ATP2B4: variants seen among roughly 807,000 people sequenced by gnomAD.
The protein encoded by ATP2B4 is plasma membrane calcium-transporting ATPase 4.
In ATP2B4, 39 loss-of-function variants were observed where a neutral mutation model predicts 110.3. The observed-to-expected ratio is 0.35, with a 90% CI of 0.27 to 0.46. The LOEUF (loss-of-function observed/expected upper bound fraction) is 0.46. Ranked by LOEUF, ATP2B4 falls within the 20% of genes least tolerant of loss-of-function variation. The pLI is 1.00. For synonymous variants in ATP2B4, 538 were observed against 571.7 expected (o/e 0.94, Z 0.84); for missense variants, 1,135 against 1,530.9 (o/e 0.74, Z 4.32).
chr1:203,691,931 G>C (rs1571728302), intron 2 of ATP2B4, among the ~76,000 whole-genome samples: 1 of 152,130 alleles, frequency 6.6e-6, no homozygotes, highest in East Asian at 1.9e-4. Context: ...GCCCAGGCTG[G>C]AGTGCAGTGG....
chr1:203,660,793 C>T (rs748723965), intron 1 of ATP2B4, among the ~76,000 whole-genome samples: 3 of 148,936 alleles, frequency 2.0e-5, no homozygotes, highest in Non-Finnish European at 3.0e-5. Flanking sequence ...GAGACTCTGT[C>T]TCAAAAAAAT....
intron 1 of ATP2B4, among the ~76,000 whole-genome samples, chr1:203,642,109 T>G (rs1248660341): frequency 6.6e-6 from 1 of 152,130 alleles, no homozygotes; most frequent in African/African-American, 2.4e-5. Context: ...AGAGACAGGA[T>G]CTCACTTTTT....
At chr1:203,739,021 A>G (rs1666940478) in intron 20 of ATP2B4, among the ~76,000 whole-genome samples, 1 of 152,206 alleles carries the variant, frequency 6.6e-6, no homozygotes, top group Non-Finnish European at 1.5e-5. Context: ...CCCAACCTGT[A>G]TTATGTGCAG....
intron 20 of ATP2B4, among the ~76,000 whole-genome samples, chr1:203,734,200 G>A (rs1194134718): frequency 6.6e-6 from 1 of 151,914 alleles, no homozygotes; most frequent in Non-Finnish European, 1.5e-5. Context: ...CTACTCGGGA[G>A]GCTAAGACAG....
rs772037739 is a variant in ATP2B4, at chr1:203,720,752, G to T, written c.2598+12G>T. 6.2e-7 allele frequency: 1 copy of T among 1,606,488 alleles called. No individual in the cohort carries two copies. Among genetic ancestry groups the T allele is most frequent in the Non-Finnish European group, 8.5e-7 (1 of 1,175,576 alleles). On this transcript the variant is annotated intron_variant, in intron 16 of 20. Transcript: ENST00000357681. ...CCTGTATCACTCAGGTGAAGGGGGTGTGGGTGGGCTGAGACGGGAGGGATG... is the reference window on the plus strand; with the variant it reads ...CCTGTATCACTCAGGTGAAGGGGGTTTGGGTGGGCTGAGACGGGAGGGATG...
rs139588486 is a variant in ATP2B4, at chr1:203,737,014, A to G, written c.3310-2532A>G. Among the ~76,000 whole-genome samples the G allele has an allele frequency of 1.4e-3, 218 of 152,272 alleles. 3 individuals are homozygous for G. Among genetic ancestry groups the G allele is most frequent in the Non-Finnish European group, 1.8e-3 (125 of 68,024 alleles). ...GGTGGCTGGTTTCCCTTTAGATTCCAGAAGTCCTGCAGTCTAGCTGGATGA... is the reference window on the plus strand; with the variant it reads ...GGTGGCTGGTTTCCCTTTAGATTCCGGAAGTCCTGCAGTCTAGCTGGATGA... On this transcript the variant is annotated intron_variant, in intron 20 of 20. Coordinates refer to ENST00000357681, the MANE Select transcript of ATP2B4 (RefSeq NM_001684.5).
intron 1 of ATP2B4, among the ~76,000 whole-genome samples, chr1:203,664,724 G>A (rs969568835): frequency 2.6e-4 from 39 of 152,168 alleles, no homozygotes; most frequent in Admixed American, 4.6e-4. Context: ...ATGTCAAACT[G>A]GATTCACTAC....
chr1:203,662,247 C>T (rs879942741), intron 1 of ATP2B4, among the ~76,000 whole-genome samples: 7 of 152,120 alleles, frequency 4.6e-5, no homozygotes, highest in Admixed American at 6.6e-5. Flanking sequence ...AGGATGGTCT[C>T]GATCTCCGGA....
At position 203,724,590 on chromosome 1, in the gene ATP2B4, C is replaced by CAA. The variant is rs201344415; in HGVS notation, c.3132+611_3132+612dup. Among the ~76,000 whole-genome samples the CAA allele has an allele frequency of 1.1e-4, 17 of 148,346 alleles. No individual in the cohort carries two copies. In the East Asian group the frequency reaches 1.4e-3, roughly 12 times the overall value. On this transcript the variant is annotated intron_variant, in intron 19 of 20. Coordinates refer to ENST00000357681, the MANE Select transcript of ATP2B4 (RefSeq NM_001684.5). ...CAAACTTTTCAATGGAATTTTGCTA[C>CAA]AAAAAAAAAATATATAATAAGGGTC...
At chr1:203,700,159 TC>T in intron 4 of ATP2B4, 46 bp from the exon 5 acceptor site, 1 of 1,584,926 alleles carries the variant, frequency 6.3e-7, no homozygotes, top group Non-Finnish European at 8.6e-7. Flanking sequence ...CCTCAGCCAG[TC>T]TCTTACTATC....
chr1:203,656,925 C>T (rs1571688412), intron 1 of ATP2B4: 1 of 611,466 alleles, frequency 1.6e-6, no homozygotes, highest in East Asian at 2.8e-5. Context: ...GCAGTTTTTT[C>T]AGTTGGTGTG....
In ATP2B4 at chr1:203,700,840, C is replaced by G. The variant is rs1290888579; in HGVS notation, c.818C>G (p.Ala273Gly). 27 of 1,613,388 alleles carry G rather than the reference C, an allele frequency of 1.7e-5. No homozygotes were observed. Among genetic ancestry groups the G allele is most frequent in the Non-Finnish European group, 2.1e-5 (25 of 1,179,738 alleles). Reference sequence around the variant, plus strand: ...GGTTCTGGCCGGATGGTGGTGACAGCTGTTGGTGTCAACTCTCAGACTGGA... The same window carrying G: ...GGTTCTGGCCGGATGGTGGTGACAGGTGTTGGTGTCAACTCTCAGACTGGA... The part of the protein sequence containing the change: ...MEGSGRMVVT[A>G]VGVNSQTGII... The change falls in exon 6 of 21, where the codon GCT becomes GGT. Residue 273 changes from alanine (A) to glycine (G), a missense_variant. By Grantham distance (60) the Ala-to-Gly change is moderately conservative (BLOSUM62 0). This residue lies in a region of ATP2B4 where 162 missense variants were observed against 210.5 expected (regional missense o/e 0.77). Coordinates refer to ENST00000357681, the MANE Select transcript of ATP2B4 (RefSeq NM_001684.5).
chr1:203,669,985 C>G (rs1014510982), intron 1 of ATP2B4, among the ~76,000 whole-genome samples: 1 of 152,164 alleles, frequency 6.6e-6, no homozygotes, highest in Non-Finnish European at 1.5e-5. Context: ...CTTTGCCTGC[C>G]CTTTGTCTCT....
At chr1:203,735,792 CCTTCTAACTAG>C (rs1483463190) in intron 20 of ATP2B4, among the ~76,000 whole-genome samples, 1 of 152,214 alleles carries the variant, frequency 6.6e-6, no homozygotes, top group Non-Finnish European at 1.5e-5. Context: ...TCTGCCATCC[CCTTCTAACTAG>C]CTTCTGTTCT....
intron 1 of ATP2B4, among the ~76,000 whole-genome samples, chr1:203,648,742 G>T (rs148339382): frequency 1.3e-5 from 2 of 152,236 alleles, no homozygotes; most frequent in African/African-American, 4.8e-5. Flanking sequence ...CCATACCAAG[G>T]TTTCACCCCT....
chr1:203,660,413 A>C (rs955735369), intron 1 of ATP2B4, among the ~76,000 whole-genome samples: 25 of 152,028 alleles, frequency 1.6e-4, no homozygotes, highest in African/African-American at 5.5e-4. Flanking sequence ...AGAATGTATC[A>C]CTTGGGGTGG....
intron 1 of ATP2B4, among the ~76,000 whole-genome samples, chr1:203,636,351 G>A (rs937595316): frequency 2.0e-5 from 3 of 151,976 alleles, no homozygotes; most frequent in East Asian, 1.9e-4. Context: ...CATCCTGATC[G>A]TCGCTCTGGA....
chr1:203,714,124 G>T (rs1339776657), intron 14 of ATP2B4, 47 bp from the exon 15 acceptor site: 1 of 1,559,000 alleles, frequency 6.4e-7, no homozygotes, highest in Non-Finnish European at 8.8e-7. Context: ...GAACTGAAGG[G>T]TGGGGGAGAC....
chr1:203,711,963 C>G lies in ATP2B4; in HGVS notation c.2035C>G (p.Pro679Ala). The change falls in exon 13 of 21, where the codon CCA (proline) becomes GCA (alanine). Residue 679 changes from proline (P) to alanine (A), a missense_variant. Physicochemically the swap from Pro to Ala is conservative, Grantham distance 27. This residue lies in a region of ATP2B4 where 368 missense variants were observed against 455.9 expected (regional missense o/e 0.81). Coordinates refer to ENST00000357681, the MANE Select transcript of ATP2B4 (RefSeq NM_001684.5). The part of the protein sequence containing the change: ...GIEDPVRPEV[P>A]DAIAKCKQAG... ...CCCCTTTCTTCACTCTCCATAGGTGCCAGATGCTATTGCCAAATGCAAACA... is the reference window on the plus strand; with the variant it reads ...CCCCTTTCTTCACTCTCCATAGGTGGCAGATGCTATTGCCAAATGCAAACA... 1.2e-6 allele frequency: 2 copies of G among 1,614,054 alleles called. No homozygotes were observed. Among genetic ancestry groups the G allele is most frequent in the Non-Finnish European group, 8.5e-7 (1 of 1,179,934 alleles).
Sources: allele counts gnomAD v4.1 joint callset (sites outside exome capture counted in the v4.1 genomes callset), GRCh38; gene constraint gnomAD v4.1.1; regional missense constraint gnomAD v4.1.1; transcripts MANE v1.5; gene names NCBI Gene and HGNC (gene_info 2026-07-23, HGNC 2026-07-21).